Variants in ZNF286A observed in about 807,000 individuals in gnomAD.
ZNF286A encodes the protein zinc finger protein ZNF286.
In ZNF286A, 34 loss-of-function variants were observed where a neutral mutation model predicts 49.3. That is an observed-to-expected ratio of 0.69 (90% CI 0.52 to 0.92). The LOEUF is 0.92. Ranked by LOEUF, ZNF286A falls within the 40% of genes least tolerant of loss-of-function variation. ZNF286A has a pLI of 0.00. For missense variants in ZNF286A, 462 were observed against 600.2 expected (o/e 0.77, Z 2.41); for synonymous variants, 155 against 200.4 (o/e 0.77, Z 1.91).
rs1967163015 is a variant in ZNF286A, at chr17:15,718,004, GCTCACTGCAA to G, written c.*716_*725del. 6.9e-6 allele frequency: 1 copy of G among 144,318 alleles called. No individual in the cohort carries two copies. Among genetic ancestry groups the G allele is most frequent in the Non-Finnish European group, 1.5e-5 (1 of 67,374 alleles). 8.9% of individuals were successfully genotyped at this position (144,318 alleles called of 1,614,324 possible). The stretch of plus-strand genomic sequence containing the variant: ...GCTGGAGTGCAGTGGCGCGATCTCG[GCTCACTGCAA>G]CCTCCACCTCCCAGGTTCATGCCAT... On this transcript the variant is annotated 3_prime_UTR_variant, in exon 6 of 6. Coordinates refer to ENST00000583566, the MANE Select transcript of ZNF286A (RefSeq NM_001130842.2).
At chr17:15,711,176 T>C (rs1990620718) in intron 5 of ZNF286A, among the ~76,000 whole-genome samples, 1 of 152,124 alleles carries the variant, frequency 6.6e-6, no homozygotes, top group Non-Finnish European at 1.5e-5. Context: ...CCTCCCAAAG[T>C]GCTGGGATTA....
intron 4 of ZNF286A, among the ~76,000 whole-genome samples, chr17:15,707,625 G>A (rs1410429635): frequency 1.3e-5 from 2 of 152,028 alleles, no homozygotes; most frequent in Non-Finnish European, 2.9e-5. Flanking sequence ...CACACAATAA[G>A]GAAATAAAGA....
intron 5 of ZNF286A, 60 bp downstream of exon 5, chr17:15,708,307 C>T (rs2151465191): frequency 7.3e-7 from 1 of 1,369,426 alleles, no homozygotes; most frequent in South Asian, 1.6e-5. Context: ...TGAAGAAATA[C>T]TTTTCAGTGC....
intron 3 of ZNF286A, among the ~76,000 whole-genome samples, chr17:15,704,066 AT>A (rs201458335): frequency 2.6e-4 from 38 of 144,160 alleles, no homozygotes; most frequent in Non-Finnish European, 4.4e-4. Flanking sequence ...TATTATTATT[AT>A]TTTTTTTTTT....
At chr17:15,701,036 C>G in intron 2 of ZNF286A, 116 bp from the exon 3 acceptor site, 1 of 565,640 alleles carries the variant, frequency 1.8e-6, no homozygotes, top group Non-Finnish European at 2.8e-6. Context: ...TTTGGGGGTA[C>G]CTTCAGTCTC....
chr17:15,713,507 T>C (rs1314350370), intron 5 of ZNF286A, among the ~76,000 whole-genome samples: 2 of 152,160 alleles, frequency 1.3e-5, no homozygotes, highest in African/African-American at 4.8e-5. Context: ...GAGTATTTTA[T>C]AGTCTTTTCA....
chr17:15,713,157 A>T (rs1310969765), intron 5 of ZNF286A, among the ~76,000 whole-genome samples: 4 of 152,172 alleles, frequency 2.6e-5, no homozygotes, highest in Non-Finnish European at 5.9e-5. Flanking sequence ...TTGGGAGGCC[A>T]AGGTGGGTGG....
At chr17:15,712,074 G>T (rs368149513) in intron 5 of ZNF286A, among the ~76,000 whole-genome samples, 1 of 152,102 alleles carries the variant, frequency 6.6e-6, no homozygotes, top group Non-Finnish European at 1.5e-5. Flanking sequence ...GGGTTTCACC[G>T]TGTTAGCCGG....
chr17:15,705,984 G>A (rs1597713461), intron 3 of ZNF286A, among the ~76,000 whole-genome samples: 1 of 152,270 alleles, frequency 6.6e-6, no homozygotes, highest in East Asian at 1.9e-4. Context: ...TGATTGGCTA[G>A]ATTGACTCTT....
intron 5 of ZNF286A, among the ~76,000 whole-genome samples, chr17:15,712,133 A>C (rs375905924): frequency 3.3e-5 from 5 of 152,304 alleles, no homozygotes; most frequent in African/African-American, 9.6e-5. Flanking sequence ...TGGCCTCCCA[A>C]AGTGCTGGGA....
chr17:15,717,000 G>T lies in ZNF286A; in HGVS notation c.1276G>T (p.Val426Phe), dbSNP rs1271604714. 6.2e-7 allele frequency: 1 copy of T among 1,613,686 alleles called. No homozygotes were observed. Among genetic ancestry groups the T allele is most frequent in the Non-Finnish European group, 8.5e-7 (1 of 1,179,864 alleles). The change falls in exon 6 of 6, where the codon GTT (valine) becomes TTT (phenylalanine). Residue 426 changes from valine to phenylalanine, a missense_variant. Transcript: ENST00000583566. ...GKTFSQSTHL[V>F]QHQRIHTGEK... is the part of the protein sequence containing the mutation. ...AACTTTTAGTCAGAGCACACATCTT[G>T]TTCAACATCAGAGAATTCACACTGG...
In ZNF286A at chr17:15,718,184, C is replaced by A. The variant is rs1177526964; in HGVS notation, c.*894C>A. 6.6e-6 allele frequency: 1 copy of A among 151,728 alleles called. No individual in the cohort carries two copies. The highest frequency in any genetic ancestry group is 2.4e-5 in the African/African-American group (1 of 41,226). 9.4% of individuals were successfully genotyped at this position (151,728 alleles called of 1,614,324 possible). A position where few individuals can be genotyped will look rare whatever the true frequency, so the allele number is the denominator to read the frequency against. ...TCTCCTGACCTCGTGATCTGCCTGCCTCGGCCTCCCAAAGTGCTGGGATTA... is the reference window on the plus strand; with the variant it reads ...TCTCCTGACCTCGTGATCTGCCTGCATCGGCCTCCCAAAGTGCTGGGATTA... On this transcript the variant is annotated 3_prime_UTR_variant, in exon 6 of 6. Coordinates refer to ENST00000583566, the MANE Select transcript of ZNF286A (RefSeq NM_001130842.2).
In ZNF286A at chr17:15,704,199, T is replaced by C. The variant is rs1597708289; in HGVS notation, c.127-2188T>C. 3 of 1,485,956 alleles carry C rather than the reference T, an allele frequency of 2.0e-6. 1 individual carries two copies. Among genetic ancestry groups the C allele is most frequent in the South Asian group, 2.4e-5 (2 of 84,442 alleles). 92.0% of individuals were successfully genotyped at this position (1,485,956 alleles called of 1,614,324 possible). ...AGTTGGAGGGAGGGGACAGGAGAGG[T>C]TGGGGTCACGGTGGAAGGAGGAAGA... On this transcript the variant is annotated intron_variant, in intron 3 of 5. Coordinates refer to ENST00000583566, the MANE Select transcript of ZNF286A (RefSeq NM_001130842.2).
At chr17:15,704,986 C>T (rs988059036) in intron 3 of ZNF286A, 10 of 1,047,264 alleles carry the variant, frequency 9.5e-6, no homozygotes, top group Middle Eastern at 3.3e-4. Flanking sequence ...CAACTGCTGC[C>T]GCTGCGGCCC....
chr17:15,715,854 C>T (rs1967018000), intron 5 of ZNF286A: 1 of 1,349,970 alleles, frequency 7.4e-7, no homozygotes. Flanking sequence ...TCCGACTCTC[C>T]TGGATAGGAT....
chr17:15,708,676 G>T (rs1045336221), intron 5 of ZNF286A, among the ~76,000 whole-genome samples: 1 of 152,032 alleles, frequency 6.6e-6, no homozygotes, highest in East Asian at 1.9e-4. Flanking sequence ...AAGTTTTGAC[G>T]GTTCTTGAAC....
intron 5 of ZNF286A, among the ~76,000 whole-genome samples, chr17:15,713,358 A>G (rs1305868161): frequency 6.6e-6 from 1 of 152,244 alleles, no homozygotes; most frequent in Non-Finnish European, 1.5e-5. Flanking sequence ...ACTTTTGCCA[A>G]TCTCTTTAAT....
At chr17:15,708,493 A>G (rs1381946545) in intron 5 of ZNF286A, 2 of 336,084 alleles carry the variant, frequency 6.0e-6, no homozygotes, top group Non-Finnish European at 1.1e-5. Context: ...TTTTTCTTAC[A>G]ATATAAAACT....
chr17:15,716,474 A>G lies in ZNF286A; in HGVS notation c.750A>G (p.Glu250=), dbSNP rs1199379383. The G allele has an allele frequency of 3.7e-6, 6 of 1,613,850 alleles. No individual in the cohort carries two copies. Among genetic ancestry groups the G allele is most frequent in the African/African-American group, 1.3e-5 (1 of 74,886 alleles). Residue 250 remains glutamate (E), a synonymous_variant, in exon 6 of 6, where the codon GAA becomes GAG. Coordinates refer to ENST00000583566, the MANE Select transcript of ZNF286A (RefSeq NM_001130842.2). ...KKPHKCNDCG[E]LFTYHSVLIR... is the part of the protein sequence containing the mutation. Reference sequence around the variant, plus strand: ...CTCATAAATGTAATGATTGTGGTGAACTCTTCACCTACCATTCAGTGCTTA... The same window carrying G: ...CTCATAAATGTAATGATTGTGGTGAGCTCTTCACCTACCATTCAGTGCTTA...
Sources: allele counts gnomAD v4.1 joint callset (sites outside exome capture counted in the v4.1 genomes callset), GRCh38; gene constraint gnomAD v4.1.1; transcripts MANE v1.5; gene names NCBI Gene and HGNC (gene_info 2026-07-23, HGNC 2026-07-21).